The following ZNF480 variants were observed in gnomAD, a reference collection of about 807,000 sequenced individuals.
The protein encoded by ZNF480 is zinc finger protein 480.
In ZNF480, 15 loss-of-function variants were observed where a neutral mutation model predicts 14.4. The observed-to-expected ratio is 1.04, with a 90% CI of 0.70 to 1.60. ZNF480 has a LOEUF of 1.60. Ranked by LOEUF, ZNF480 falls within the 40% of genes most tolerant of loss-of-function variation. The pLI, the probability that ZNF480 is intolerant of heterozygous loss-of-function variation, is 0.00. For missense variants in ZNF480, 593 were observed against 629.7 expected (o/e 0.94, Z 0.62); for synonymous variants, 218 against 215.5 (o/e 1.01, Z -0.10).
At chr19:52,297,263 C>A (rs67621412) in intron 1 of ZNF480, 40 bp downstream of exon 1, 114,164 of 448,112 alleles carry the variant, frequency 0.25, 15,481 homozygotes, top group East Asian at 0.42. Context: ...CGCTTCCCAA[C>A]TCCCCCGCGC....
At chr19:52,310,180 C>G (rs1983201475) in intron 2 of ZNF480, among the ~76,000 whole-genome samples, 1 of 152,034 alleles carries the variant, frequency 6.6e-6, no homozygotes, top group Non-Finnish European at 1.5e-5. Context: ...CTCAGCCTCA[C>G]AAGTAGCTGA....
intron 4 of ZNF480, 51 bp downstream of exon 4, chr19:52,316,013 TTTTTG>T (rs796690367): frequency 4.0e-6 from 6 of 1,496,292 alleles, no homozygotes; most frequent in African/African-American, 2.8e-5. Flanking sequence ...TTGGGCTTTT[TTTTTG>T]TTTTGTTTTG....
At position 52,322,642 on chromosome 19, in the gene ZNF480, C is replaced by T; in HGVS notation, c.1392C>T (p.Phe464=). The part of the protein sequence containing the change: ...PYKCSECGKA[F]RHKLSLTNHQ... The stretch of plus-strand genomic sequence containing the variant: ...AATGTAGTGAATGTGGCAAGGCATT[C>T]AGACACAAGTTATCACTAACCAATC... Residue 464 remains phenylalanine, a synonymous_variant, in exon 5 of 5, where the codon TTC becomes TTT. Transcript: ENST00000595962. The T allele has an allele frequency of 6.2e-7, 1 of 1,613,900 alleles. No individual in the cohort carries two copies. The highest frequency in any genetic ancestry group is 8.5e-7 in the Non-Finnish European group (1 of 1,179,954).
rs150552651 is a variant in ZNF480 at position 52,315,209 on chromosome 19, G to C, written c.200-625G>C. ...AGCAATCCACTTGCCTCAGCCTCCC[G>C]AAGTGCTGGGATTACAGGCATGAGC... On this transcript the variant is annotated intron_variant, in intron 3 of 4. Coordinates refer to ENST00000595962, the MANE Select transcript of ZNF480 (RefSeq NM_144684.4). Among the ~76,000 whole-genome samples the C allele has an allele frequency of 3.5e-4, 53 of 151,922 alleles. 1 individual carries two copies. The South Asian group carries it at 0.011, about 31-fold the overall frequency.
intron 2 of ZNF480, among the ~76,000 whole-genome samples, chr19:52,310,811 T>A (rs1339098294): frequency 6.6e-6 from 1 of 151,486 alleles, no homozygotes; most frequent in Non-Finnish European, 1.5e-5. Flanking sequence ...CCATCCTGGC[T>A]AACACAGTGA....
At position 52,322,664 on chromosome 19, in the gene ZNF480, AATC is replaced by A. The variant is rs1416791466; in HGVS notation, c.1419_1421del (p.His473del). 3 of 1,613,658 alleles carry A rather than the reference AATC, an allele frequency of 1.9e-6. No homozygotes were observed. The highest frequency in any genetic ancestry group is 2.5e-6 in the Non-Finnish European group (3 of 1,179,862). On this transcript the variant is annotated inframe_deletion, in exon 5 of 5. Transcript: ENST00000595962. ...ATTCAGACACAAGTTATCACTAACCAATCATCAGAGAATCCATACTGGAGAAAG... is the reference window on the plus strand; with the variant it reads ...ATTCAGACACAAGTTATCACTAACCAATCAGAGAATCCATACTGGAGAAAG...
intron 2 of ZNF480, among the ~76,000 whole-genome samples, chr19:52,311,443 G>T (rs1022920617): frequency 3.3e-5 from 5 of 152,114 alleles, no homozygotes; most frequent in African/African-American, 1.2e-4. Flanking sequence ...CTCCCAAAGT[G>T]CTGGGATTAC....
chr19:52,299,776 A>C (rs115772452), intron 1 of ZNF480, among the ~76,000 whole-genome samples: 3,746 of 152,112 alleles, frequency 0.025, 166 homozygotes, highest in African/African-American at 0.084. Context: ...TCACTGCAAC[A>C]TCCATCTCCC....
chr19:52,297,222 G>A lies in ZNF480; in HGVS notation c.-21G>A, dbSNP rs1982441191. 1 of 442,572 alleles carries A rather than the reference G, an allele frequency of 2.3e-6. No homozygotes were observed. The highest frequency in any genetic ancestry group is 1.6e-5 in the South Asian group (1 of 63,656). 27.4% of individuals were successfully genotyped at this position (442,572 alleles called of 1,614,324 possible). On this transcript the variant is annotated splice_region_variant and 5_prime_UTR_variant, in exon 1 of 5. Coordinates refer to ENST00000595962, the MANE Select transcript of ZNF480 (RefSeq NM_144684.4). ...CGTGGAGTGAAGGTCACGCCGCGGC[G>A]CGTGAGTTTCCCTTTGTGTAAATTA...
intron 2 of ZNF480, among the ~76,000 whole-genome samples, chr19:52,309,529 A>G (rs1211460095): frequency 6.6e-6 from 1 of 152,212 alleles, no homozygotes; most frequent in Non-Finnish European, 1.5e-5. Flanking sequence ...ATGTTCAGAC[A>G]AGACAGAAAC....
At chr19:52,311,531 G>C (rs1412752889) in intron 2 of ZNF480, among the ~76,000 whole-genome samples, 1 of 152,002 alleles carries the variant, frequency 6.6e-6, no homozygotes, top group East Asian at 1.9e-4. Flanking sequence ...TCAACTTTCT[G>C]TGTTTTTTCA....
chr19:52,310,339 G>T (rs1416267508), intron 2 of ZNF480, among the ~76,000 whole-genome samples: 1 of 152,134 alleles, frequency 6.6e-6, no homozygotes, highest in Non-Finnish European at 1.5e-5. Flanking sequence ...TTACAGGCAT[G>T]ATCCCAGCAC....
rs367935805 is a variant in ZNF480 at position 52,322,076 on chromosome 19, C to A, written c.826C>A (p.Arg276=). Residue 276 remains arginine, a synonymous_variant, in exon 5 of 5, where the codon CGA becomes AGA. Coordinates refer to ENST00000595962, the MANE Select transcript of ZNF480 (RefSeq NM_144684.4). ...KVFSYNSNFA[R]HQRIHTREKP... Reference sequence around the variant, plus strand: ...TTTTAGTTACAATTCAAACTTTGCACGACATCAAAGAATTCATACCAGAGA... The same window carrying A: ...TTTTAGTTACAATTCAAACTTTGCAAGACATCAAAGAATTCATACCAGAGA... The A allele has an allele frequency of 6.2e-7, 1 of 1,613,588 alleles. No individual in the cohort carries two copies. Among genetic ancestry groups the A allele is most frequent in the African/African-American group, 1.3e-5 (1 of 74,794 alleles).
intron 1 of ZNF480, among the ~76,000 whole-genome samples, chr19:52,299,443 G>T (rs753017673): frequency 6.6e-6 from 1 of 152,172 alleles, no homozygotes; most frequent in Non-Finnish European, 1.5e-5. Context: ...GCTACTTCAC[G>T]TGCTGGTTGT....
At chr19:52,313,134 C>CT (rs33954410) in intron 2 of ZNF480, among the ~76,000 whole-genome samples, 92 of 131,724 alleles carry the variant, frequency 7.0e-4, no homozygotes, top group East Asian at 1.9e-3. Flanking sequence ...AATTCTTTCT[C>CT]TTTTTTTTTT....
At chr19:52,312,003 CAT>C (rs1372852470) in intron 2 of ZNF480, among the ~76,000 whole-genome samples, 7 of 152,086 alleles carry the variant, frequency 4.6e-5, no homozygotes, top group African/African-American at 7.3e-5. Flanking sequence ...TTATTAAAGA[CAT>C]GTCATCATTT....
chr19:52,313,786 C>T (rs1983406246), intron 2 of ZNF480: 2 of 443,286 alleles, frequency 4.5e-6, no homozygotes, highest in South Asian at 3.2e-5. Flanking sequence ...CAAGACCAGC[C>T]TGGCCAACGT....
rs776655705 is a variant in ZNF480, at chr19:52,322,645, A to G, written c.1395A>G (p.Arg465=). The change falls in exon 5 of 5, where the codon AGA becomes AGG. Residue 465 remains arginine, a synonymous_variant. Coordinates refer to ENST00000595962, the MANE Select transcript of ZNF480 (RefSeq NM_144684.4). ...YKCSECGKAF[R]HKLSLTNHQR... is the part of the protein sequence containing the mutation. ...GTAGTGAATGTGGCAAGGCATTCAG[A>G]CACAAGTTATCACTAACCAATCATC... 3 of 1,613,850 alleles carry G rather than the reference A, an allele frequency of 1.9e-6. No individual in the cohort carries two copies. The highest frequency in any genetic ancestry group is 1.7e-6 in the Non-Finnish European group (2 of 1,179,934).
chr19:52,306,370 C>T (rs922643732), intron 2 of ZNF480, among the ~76,000 whole-genome samples: 5 of 152,156 alleles, frequency 3.3e-5, no homozygotes, highest in Non-Finnish European at 5.9e-5. Flanking sequence ...CTAATGCACA[C>T]TCCTCTAAGC....
Sources: gnomAD v4.1 joint callset for allele counts (sites outside exome capture counted in the v4.1 genomes callset) on GRCh38, gnomAD v4.1.1 for gene constraint, MANE v1.5 for transcripts, NCBI Gene and HGNC (gene_info 2026-07-23, HGNC 2026-07-21) for gene names.